Variants in MAD1L1 observed in about 807,000 individuals in gnomAD.
The protein encoded by MAD1L1 is mitotic spindle assembly checkpoint protein MAD1.
In MAD1L1, 95 loss-of-function variants were observed where a neutral mutation model predicts 96.9. The ratio of observed to expected loss-of-function variants is 0.98; its 90% CI spans 0.83 to 1.16. MAD1L1 has a LOEUF of 1.16. MAD1L1 is among the 50% of genes most tolerant of loss of function. MAD1L1 has a pLI of 0.00. For missense variants in MAD1L1, 1,007 were observed against 954.4 expected (o/e 1.06, Z -0.73); for synonymous variants, 473 against 396.6 (o/e 1.19, Z -2.29).
At chr7:1,951,337 G>T (rs933734758) in intron 16 of MAD1L1, among the ~76,000 whole-genome samples, 2 of 152,220 alleles carry the variant, frequency 1.3e-5, no homozygotes, top group Admixed American at 6.5e-5. Flanking sequence ...CCGTGTGAGG[G>T]CAGGGTTGGA....
chr7:1,873,114 C>T (rs1219902944), intron 18 of MAD1L1, among the ~76,000 whole-genome samples: 1 of 152,238 alleles, frequency 6.6e-6, no homozygotes, highest in Admixed American at 6.5e-5. Flanking sequence ...AGGAGCCCCC[C>T]GTGGGGCTGG....
intron 12 of MAD1L1, among the ~76,000 whole-genome samples, chr7:2,061,354 T>A (rs200817698): frequency 6.6e-6 from 1 of 151,258 alleles, no homozygotes. Context: ...AATAATAAAA[T>A]TAAAATAAAA....
At chr7:1,961,008 G>A (rs1028023388) in intron 15 of MAD1L1, among the ~76,000 whole-genome samples, 1 of 152,120 alleles carries the variant, frequency 6.6e-6, no homozygotes, top group African/African-American at 2.4e-5. Flanking sequence ...ACTGACAAAA[G>A]CATCCAACAC....
intron 18 of MAD1L1, among the ~76,000 whole-genome samples, chr7:1,866,450 G>A (rs1044113575): frequency 1.2e-5 from 1 of 85,280 alleles, no homozygotes; most frequent in African/African-American, 5.9e-5. Context: ...CAGGAACAAA[G>A]GGCTGAAGCA....
chr7:2,002,734 G>C (rs912819722), intron 13 of MAD1L1, among the ~76,000 whole-genome samples: 1 of 152,224 alleles, frequency 6.6e-6, no homozygotes, highest in Non-Finnish European at 1.5e-5. Context: ...CCTCCTAACA[G>C]GCCTCATGGA....
intron 12 of MAD1L1, among the ~76,000 whole-genome samples, chr7:2,064,669 T>A (rs1388804079): frequency 1.3e-5 from 2 of 148,622 alleles, no homozygotes; most frequent in African/African-American, 5.0e-5. Context: ...AGGAGGACAG[T>A]GGCTTCTCCC....
chr7:2,061,374 A>ATAAAG (rs1385529422), intron 12 of MAD1L1, among the ~76,000 whole-genome samples: 1 of 152,132 alleles, frequency 6.6e-6, no homozygotes. Flanking sequence ...ATAAAATAAA[A>ATAAAG]ATAAAAGCCC....
chr7:1,902,354 G>A (rs764153603), intron 17 of MAD1L1, among the ~76,000 whole-genome samples: 4 of 152,206 alleles, frequency 2.6e-5, no homozygotes, highest in Non-Finnish European at 5.9e-5. Flanking sequence ...AGCCTGAAAC[G>A]CAGAAAATGC....
chr7:1,988,288 C>G (rs1012399267), intron 14 of MAD1L1, among the ~76,000 whole-genome samples: 2 of 152,226 alleles, frequency 1.3e-5, no homozygotes, highest in Non-Finnish European at 1.5e-5. Context: ...AGGGGCAACT[C>G]TGCCGCTGCA....
At chr7:1,964,129 T>C (rs1042089260) in intron 15 of MAD1L1, among the ~76,000 whole-genome samples, 2 of 152,172 alleles carry the variant, frequency 1.3e-5, no homozygotes, top group Non-Finnish European at 2.9e-5. Flanking sequence ...TGGGTGTTCC[T>C]GACCCTCGCC....
At chr7:1,934,837 G>A (rs772654368) in intron 17 of MAD1L1, among the ~76,000 whole-genome samples, 2 of 151,644 alleles carry the variant, frequency 1.3e-5, no homozygotes, top group African/African-American at 4.9e-5. Flanking sequence ...GGGCAAACCC[G>A]AGACAGGCAG....
chr7:1,974,890 G>C (rs1780564883), intron 15 of MAD1L1, among the ~76,000 whole-genome samples: 1 of 152,240 alleles, frequency 6.6e-6, no homozygotes, highest in African/African-American at 2.4e-5. Flanking sequence ...GGCTTTCGGA[G>C]AGAAAGAAGC....
chr7:1,905,543 C>T lies in MAD1L1; in HGVS notation c.1808-7153G>A, dbSNP rs543125729. On this transcript the variant is annotated intron_variant, in intron 17 of 18. Coordinates refer to ENST00000265854, the MANE Select transcript of MAD1L1 (RefSeq NM_001013836.2). ...CGAGGACACAGTGGCCTATGGAAGA[C>T]GCTCTTGTGGAACTCATGATTGATG... 1.1e-4 allele frequency among the ~76,000 whole-genome samples: 17 copies of T among 150,806 alleles called. 1 individual carries two copies. In the South Asian group the frequency reaches 2.8e-3, roughly 25 times the overall value.
chr7:1,851,853 C>G (rs1046042871), intron 18 of MAD1L1, among the ~76,000 whole-genome samples: 1 of 152,118 alleles, frequency 6.6e-6, no homozygotes, highest in South Asian at 2.1e-4. Flanking sequence ...GCCCAGGGAG[C>G]TAGAGTCGCC....
At chr7:2,126,674 C>T (rs937439356) in intron 11 of MAD1L1, among the ~76,000 whole-genome samples, 2 of 152,194 alleles carry the variant, frequency 1.3e-5, no homozygotes, top group Admixed American at 6.5e-5. Context: ...CTCTGGGGAC[C>T]GGCCTCTTCT....
intron 10 of MAD1L1, among the ~76,000 whole-genome samples, chr7:2,205,724 A>T (rs893270124): frequency 6.6e-6 from 1 of 152,240 alleles, no homozygotes; most frequent in African/African-American, 2.4e-5. Context: ...TCTGGGCAGC[A>T]AGAAGAACCC....
At chr7:2,089,842 C>T (rs868130019) in intron 11 of MAD1L1, among the ~76,000 whole-genome samples, 2 of 152,216 alleles carry the variant, frequency 1.3e-5, no homozygotes, top group Admixed American at 6.5e-5. Context: ...ACATCCATCT[C>T]GAAGGCCAGG....
intron 15 of MAD1L1, among the ~76,000 whole-genome samples, chr7:1,978,389 G>A (rs1326691779): frequency 2.0e-5 from 3 of 152,222 alleles, no homozygotes. Context: ...CTCTGCAAAG[G>A]AAAAGCCAAC....
intron 4 of MAD1L1, among the ~76,000 whole-genome samples, chr7:2,224,549 G>A (rs1320202133): frequency 6.6e-6 from 1 of 152,178 alleles, no homozygotes; most frequent in African/African-American, 2.4e-5. Context: ...TCACACCCCG[G>A]AAGACGTGAG....
Sources: gnomAD v4.1 joint callset for allele counts (sites outside exome capture counted in the v4.1 genomes callset) on GRCh38, gnomAD v4.1.1 for gene constraint, MANE v1.5 for transcripts, NCBI Gene and HGNC (gene_info 2026-07-23, HGNC 2026-07-21) for gene names.